KCNS1: variants seen among roughly 807,000 people sequenced by gnomAD.
KCNS1 encodes the protein delayed-rectifier potassium channel regulatory subunit KCNS1.
In KCNS1, 26 loss-of-function variants were observed where a neutral mutation model predicts 33.1. The observed-to-expected ratio is 0.79, with a 90% CI of 0.58 to 1.09. The LOEUF is 1.09. Ranked by LOEUF, KCNS1 falls within the 50% of genes least tolerant of loss-of-function variation. The pLI, the probability that KCNS1 is intolerant of heterozygous loss-of-function variation, is 0.00. For missense variants in KCNS1, 702 were observed against 752.4 expected (o/e 0.93, Z 0.78); for synonymous variants, 299 against 338.8 (o/e 0.88, Z 1.29).
Position 45,097,696 on chromosome 20 carries a change from G to A in KCNS1, c.1076C>T (p.Ser359Phe), listed in dbSNP as rs1981228876. 1 of 1,609,332 alleles carries A rather than the reference G, an allele frequency of 6.2e-7. No homozygotes were observed. The highest frequency in any genetic ancestry group is 8.5e-7 in the Non-Finnish European group (1 of 1,179,822). Residue 359 changes from serine to phenylalanine, a missense_variant, in exon 3 of 4, where the codon TCC (serine) becomes TTC (phenylalanine). Physicochemically the swap from Ser to Phe is radical, Grantham distance 155. Around this residue, in one of 3 missense-constraint regions of KCNS1, gnomAD observed 253 missense variants for 327.4 expected, o/e 0.77. Transcript: ENST00000537075. ...IFRVLKLARH[S>F]TGLRSLGATL... ...GGCTCCCAGCGAGCGCAGCCCGGTGGAATGGCGCGCCAACTTGAGTACGCG... is the reference window on the plus strand; with the variant it reads ...GGCTCCCAGCGAGCGCAGCCCGGTGAAATGGCGCGCCAACTTGAGTACGCG...
chr20:45,093,932 G>C lies in KCNS1; in HGVS notation c.*938C>G, dbSNP rs989159538. The C allele has an allele frequency of 1.3e-5, 2 of 152,250 alleles. No individual in the cohort carries two copies. Among genetic ancestry groups the C allele is most frequent in the Non-Finnish European group, 2.9e-5 (2 of 68,114 alleles). 9.4% of individuals were successfully genotyped at this position (152,250 alleles called of 1,614,324 possible). On this transcript the variant is annotated 3_prime_UTR_variant, in exon 4 of 4. Transcript: ENST00000537075. ...CCCTCTGCTCTCCTTGGCTTTCATTGCCCTCTGGGTCACAGATTCTGACCA... is the reference window on the plus strand; with the variant it reads ...CCCTCTGCTCTCCTTGGCTTTCATTCCCCTCTGGGTCACAGATTCTGACCA...
In KCNS1 at chr20:45,097,946, C is replaced by T. The variant is rs1262411378; in HGVS notation, c.826G>A (p.Glu276Lys). 1.9e-6 allele frequency: 3 copies of T among 1,575,466 alleles called. No individual in the cohort carries two copies. The highest frequency in any genetic ancestry group is 2.6e-6 in the Non-Finnish European group (3 of 1,162,092). Residue 276 changes from glutamate to lysine, a missense_variant, in exon 3 of 4, where the codon GAG becomes AAG. Glu to Lys is a moderately conservative substitution (Grantham distance 56). Around this residue, in one of 3 missense-constraint regions of KCNS1, gnomAD observed 253 missense variants for 327.4 expected, o/e 0.77. Transcript: ENST00000537075. ...CTGAACCAGGCGATGCAGAAGTACT[C>T]GAGGCGTCGCAGCACCGGGTCGTCG... ...VRDDPVLRRLEYFCIAWFSFE... is the reference protein window; with the variant it reads ...VRDDPVLRRLKYFCIAWFSFE...
At position 45,091,775 on chromosome 20, in the gene KCNS1, A is replaced by G. The variant is rs552503380; in HGVS notation, c.*3095T>C. ...CAGACACTGAAGTGAGATCAGAGGC[A>G]GAGACTTGAGTGATGCAGCCACAGC... On this transcript the variant is annotated 3_prime_UTR_variant, in exon 4 of 4. Transcript: ENST00000537075. 2.0e-5 allele frequency among the ~76,000 whole-genome samples: 3 copies of G among 152,334 alleles called. No individual in the cohort carries two copies. The East Asian group carries it at 5.8e-4, about 29-fold the overall frequency.
chr20:45,098,701 G>T lies in KCNS1; in HGVS notation c.77-6C>A. On this transcript the variant is annotated splice_polypyrimidine_tract_variant and splice_region_variant and intron_variant, in intron 2 of 3. Transcript: ENST00000537075. This position sits in a 1 kb window ranked among gnomAD's most constrained non-coding sequence, Gnocchi z 5.2. ...AAAGGTTTCAGTGCTCCTCCCTGCG[G>T]ACACCAGAAGGGCGCGCTGAGGAGT... 1 of 1,399,060 alleles carries T rather than the reference G, an allele frequency of 7.1e-7. No homozygotes were observed. The allele number at this position is 1,399,060 out of a possible 1,614,324, so 86.7% of individuals were successfully genotyped here.
rs766125887 is a variant in KCNS1, at chr20:45,098,080, A to G, written c.692T>C (p.Leu231Pro). Residue 231 changes from leucine to proline, a missense_variant, in exon 3 of 4, where the codon CTC becomes CCC. Physicochemically the swap from Leu to Pro is moderately conservative, Grantham distance 98. Transcript: ENST00000537075. This position sits in a 1 kb window ranked among gnomAD's most constrained non-coding sequence, Gnocchi z 5.2. ...GATGCACATGGCGGCGATGGAGGCG[A>G]GCACCACGCTGATGGAGACGCAGCT... ...LFSCVSISVV[L>P]ASIAAMCIHS... is the part of the protein sequence containing the mutation. 151 of 1,563,534 alleles carry G rather than the reference A, an allele frequency of 9.7e-5. No individual in the cohort carries two copies. The highest frequency in any genetic ancestry group is 1.3e-4 in the Non-Finnish European group (146 of 1,155,142).
Position 45,095,200 on chromosome 20 carries a change from C to T in KCNS1, c.1251G>A (p.Val417=), listed in dbSNP as rs1173359811. 6.2e-7 allele frequency: 1 copy of T among 1,614,122 alleles called. No individual in the cohort carries two copies. Among genetic ancestry groups the T allele is most frequent in the Admixed American group, 1.7e-5 (1 of 60,026 alleles). ...CCCCATAGCCCACGGTGGTCATGCT[C>T]ACTGTGCCCCACCACCAGCAGGCTG... ...TIPACWWWGT[V]SMTTVGYGDV... is the part of the protein sequence containing the mutation. Residue 417 remains valine, a synonymous_variant, in exon 4 of 4, where the codon GTG becomes GTA. Coordinates refer to ENST00000537075, the MANE Select transcript of KCNS1 (RefSeq NM_001322799.2).
chr20:45,098,620 G>A lies in KCNS1; in HGVS notation c.152C>T (p.Ala51Val). 6.8e-7 allele frequency: 1 copy of A among 1,468,824 alleles called. No homozygotes were observed. The highest frequency in any genetic ancestry group is 9.0e-7 in the Non-Finnish European group (1 of 1,111,100). The allele number at this position is 1,468,824 out of a possible 1,614,324, so 91.0% of individuals were successfully genotyped here. Reference protein sequence around the residue: ...TGIRWRRSDEALRVNVGGVRR... With the variant: ...TGIRWRRSDEVLRVNVGGVRR... ...CACGCCACCCACGTTCACGCGCAGCGCCTCGTCGCTTCGCCGCCAGCGGAT... is the reference window on the plus strand; with the variant it reads ...CACGCCACCCACGTTCACGCGCAGCACCTCGTCGCTTCGCCGCCAGCGGAT... The change falls in exon 3 of 4, where the codon GCG becomes GTG. Residue 51 changes from alanine to valine, a missense_variant. Ala to Val is a moderately conservative substitution (Grantham distance 64). Around this residue, in one of 3 missense-constraint regions of KCNS1, gnomAD observed 374 missense variants for 352.3 expected, o/e 1.06. Transcript: ENST00000537075. The surrounding 1 kb of genome is among the most constrained non-coding windows in gnomAD (Gnocchi z 5.2).
chr20:45,095,179 A>C lies in KCNS1; in HGVS notation c.1272T>G (p.Tyr424Ter). 6.2e-7 allele frequency: 1 copy of C among 1,614,080 alleles called. No individual in the cohort carries two copies. The highest frequency in any genetic ancestry group is 8.5e-7 in the Non-Finnish European group (1 of 1,180,020). ...CCACCGTCACTGGCACCACATCCCC[A>C]TAGCCCACGGTGGTCATGCTCACTG... is the stretch of plus-strand genomic sequence containing the variant. ...WGTVSMTTVGYGDVVPVTVAG... is the reference protein window; with the variant it reads ...WGTVSMTTVG The change falls in exon 4 of 4, where the codon TAT (tyrosine) becomes TAG (stop). Residue 424 changes from tyrosine to a stop codon, truncating the protein, a stop_gained. Coordinates refer to ENST00000537075, the MANE Select transcript of KCNS1 (RefSeq NM_001322799.2). LOFTEE classifies it high-confidence loss of function.
At chr20:45,099,643 G>T (rs1221102446) in intron 1 of KCNS1, among the ~76,000 whole-genome samples, 1 of 152,108 alleles carries the variant, frequency 6.6e-6, no homozygotes. Context: ...CACCCCTGAC[G>T]CACCTGGGGC....
At position 45,092,915 on chromosome 20, in the gene KCNS1, C is replaced by T. The variant is rs1484581536; in HGVS notation, c.*1955G>A. The T allele has an allele frequency of 6.6e-6, 1 of 152,050 alleles. No homozygotes were observed. Among genetic ancestry groups the T allele is most frequent in the East Asian group, 1.9e-4 (1 of 5,192 alleles). 9.4% of individuals were successfully genotyped at this position (152,050 alleles called of 1,614,324 possible). On this transcript the variant is annotated 3_prime_UTR_variant, in exon 4 of 4. Transcript: ENST00000537075. ...ACACACCTGTACTTAGTAGAGCTCGCTATATTTATGTGATTATTGCATTAG... is the reference window on the plus strand; with the variant it reads ...ACACACCTGTACTTAGTAGAGCTCGTTATATTTATGTGATTATTGCATTAG...
rs1981098908 is a variant in KCNS1 at position 45,094,318 on chromosome 20, T to G, written c.*552A>C. 6.5e-6 allele frequency: 1 copy of G among 153,064 alleles called. No individual in the cohort carries two copies. The highest frequency in any genetic ancestry group is 1.5e-5 in the Non-Finnish European group (1 of 68,728). The allele number at this position is 153,064 out of a possible 1,614,324, so 9.5% of individuals were successfully genotyped here. On this transcript the variant is annotated 3_prime_UTR_variant, in exon 4 of 4. Coordinates refer to ENST00000537075, the MANE Select transcript of KCNS1 (RefSeq NM_001322799.2). ...CTTCCCTGGCTCTGAAAGGGATTTC[T>G]TATCTTGTGGATCAACTCTGGGGAT...
In KCNS1 at chr20:45,091,478, T is replaced by C. The variant is rs1258435368; in HGVS notation, c.*3392A>G. Among the ~76,000 whole-genome samples, 1 of 152,216 alleles carries C rather than the reference T, an allele frequency of 6.6e-6. No individual in the cohort carries two copies. The highest frequency in any genetic ancestry group is 1.5e-5 in the Non-Finnish European group (1 of 68,040). On this transcript the variant is annotated 3_prime_UTR_variant, in exon 4 of 4. Transcript: ENST00000537075. ...AGGTCCCTAGAGCTCCCCTCATTCC[T>C]GTATTTCCTGAGGCCTCGTCAGTCA...
Position 45,097,781 on chromosome 20 carries a change from C to A in KCNS1, c.991G>T (p.Gly331Cys). 6.2e-7 allele frequency: 1 copy of A among 1,613,356 alleles called. No homozygotes were observed. Among genetic ancestry groups the A allele is most frequent in the South Asian group, 1.1e-5 (1 of 91,054 alleles). Residue 331 changes from glycine to cysteine, a missense_variant, in exon 3 of 4, where the codon GGC becomes TGC. Physicochemically the swap from Gly to Cys is radical, Grantham distance 159. Around this residue, in one of 3 missense-constraint regions of KCNS1, gnomAD observed 253 missense variants for 327.4 expected, o/e 0.77. Coordinates refer to ENST00000537075, the MANE Select transcript of KCNS1 (RefSeq NM_001322799.2). ...TTGCCCAGGTGGCCGAACTCCTTGC[C>A]GCCCTGGTCGCCCAGTGCCACACCA... ...LAGVALGDQG[G>C]KEFGHLGKVV... is the part of the protein sequence containing the mutation.
rs749718334 is a variant in KCNS1, at chr20:45,098,733, G to A, written c.77-38C>T. Reference sequence around the variant, plus strand: ...GAAGGGCGCGCTGAGGAGTTCCCGGGCTTCCCTTCCTGGAAGACCAGGTTA... The same window carrying A: ...GAAGGGCGCGCTGAGGAGTTCCCGGACTTCCCTTCCTGGAAGACCAGGTTA... On this transcript the variant is annotated intron_variant, in intron 2 of 3. Coordinates refer to ENST00000537075, the MANE Select transcript of KCNS1 (RefSeq NM_001322799.2). The surrounding 1 kb of genome is among the most constrained non-coding windows in gnomAD (Gnocchi z 5.2). 1 of 1,336,600 alleles carries A rather than the reference G, an allele frequency of 7.5e-7. No individual in the cohort carries two copies. The highest frequency in any genetic ancestry group is 9.6e-7 in the Non-Finnish European group (1 of 1,042,866). 82.8% of individuals were successfully genotyped at this position (1,336,600 alleles called of 1,614,324 possible).
chr20:45,095,337 T>C lies in KCNS1; in HGVS notation c.1114A>G (p.Ser372Gly), dbSNP rs1297119093. 6.2e-7 allele frequency: 1 copy of C among 1,611,138 alleles called. No individual in the cohort carries two copies. The highest frequency in any genetic ancestry group is 1.1e-5 in the South Asian group (1 of 90,866). ...AGCAAGATGCCCACCTCACGGTAGCTGTGCTGAAAGAGAATGTAGAAAGCC... is the reference window on the plus strand; with the variant it reads ...AGCAAGATGCCCACCTCACGGTAGCCGTGCTGAAAGAGAATGTAGAAAGCC... ...LRSLGATLKH[S>G]YREVGILLLY... Residue 372 changes from serine (S) to glycine (G), a missense_variant, in exon 4 of 4, where the codon AGC becomes GGC. Coordinates refer to ENST00000537075, the MANE Select transcript of KCNS1 (RefSeq NM_001322799.2).
intron 1 of KCNS1, chr20:45,100,253 G>C (rs1045853564): frequency 1.3e-5 from 2 of 152,212 alleles, no homozygotes; most frequent in African/African-American, 4.8e-5. Flanking sequence ...GAGAGGCTCA[G>C]AGAATTAAAT....
In KCNS1 at chr20:45,097,756, T is replaced by C. The variant is rs759450814; in HGVS notation, c.1016A>G (p.Lys339Arg). 8.7e-6 allele frequency: 14 copies of C among 1,613,084 alleles called. No homozygotes were observed. Among genetic ancestry groups the C allele is most frequent in the Admixed American group, 8.3e-5 (5 of 59,988 alleles). ...CATGAGGCGGAACACCTGCACCACC[T>C]TGCCCAGGTGGCCGAACTCCTTGCC... ...QGGKEFGHLG[K>R]VVQVFRLMRI... Residue 339 changes from lysine to arginine, a missense_variant, in exon 3 of 4, where the codon AAG (lysine) becomes AGG (arginine). By Grantham distance (26) the Lys-to-Arg change is conservative. Transcript: ENST00000537075.
chr20:45,096,626 G>A (rs1316778268), intron 3 of KCNS1, among the ~76,000 whole-genome samples: 1 of 152,158 alleles, frequency 6.6e-6, no homozygotes, highest in Non-Finnish European at 1.5e-5. Flanking sequence ...AGAACATGAG[G>A]TGCTGGAGCC....
chr20:45,095,712 T>C (rs1397461944), intron 3 of KCNS1, among the ~76,000 whole-genome samples: 1 of 152,248 alleles, frequency 6.6e-6, no homozygotes, highest in African/African-American at 2.4e-5. Context: ...GTTGGTTTCA[T>C]GTACTTTTGA....
Sources: gnomAD v4.1 joint callset for allele counts (sites outside exome capture counted in the v4.1 genomes callset) on GRCh38, gnomAD v4.1.1 for gene constraint, gnomAD v4.1.1 regional missense constraint, Gnocchi (gnomAD v3.1) non-coding constraint, MANE v1.5 for transcripts, NCBI Gene and HGNC (gene_info 2026-07-23, HGNC 2026-07-21) for gene names.